Variants in MAGI2 observed in about 807,000 individuals in gnomAD.
MAGI2 encodes the protein membrane associated guanylate kinase, WW and PDZ domain containing 2, also known as membrane-associated guanylate kinase, WW and PDZ domain-containing protein 2.
A neutral mutation model predicts 133.3 loss-of-function variants in MAGI2; 35 were observed. The ratio of observed to expected loss-of-function variants is 0.26; its 90% CI spans 0.20 to 0.35. The LOEUF (loss-of-function observed/expected upper bound fraction) is 0.35. Among genes scored for constraint, MAGI2 ranks in the 10% least tolerant of loss-of-function variants. The probability of loss-of-function intolerance (pLI) is 1.00; values close to 1 mark genes in which losing one functional copy is unlikely to be tolerated. For missense variants in MAGI2, 1,636 were observed against 1,863.4 expected (o/e 0.88, Z 2.25); for synonymous variants, 729 against 710.6 (o/e 1.03, Z -0.41).
intron 2 of MAGI2, among the ~76,000 whole-genome samples, chr7:78,921,528 A>G (rs1799221061): frequency 6.6e-6 from 1 of 152,150 alleles, no homozygotes; most frequent in Non-Finnish European, 1.5e-5. Flanking sequence ...ACAATGCTTC[A>G]ATCAATAAAA....
At chr7:78,120,776 C>T (rs56014624) in intron 20 of MAGI2, among the ~76,000 whole-genome samples, 15 of 151,350 alleles carry the variant, frequency 9.9e-5, no homozygotes, top group African/African-American at 3.2e-4. Flanking sequence ...CCGAGGCGGG[C>T]GGATCACGAG....
chr7:79,374,391 A>G (rs996968459), intron 1 of MAGI2, among the ~76,000 whole-genome samples: 10 of 151,764 alleles, frequency 6.6e-5, no homozygotes, highest in South Asian at 4.1e-4. Context: ...GGCCATGTAC[A>G]AGTCAAGGAA....
In MAGI2 at chr7:78,109,303, C is replaced by CAAAAAAAAAAAA. The variant is rs71085511; in HGVS notation, c.3567+16379_3567+16390dup. ...TGGGCGACAGAGCAAGACTCCGTCT[C>CAAAAAAAAAAAA]AAAAAAAAAAAAAAAAAAAAAAAAA... On this transcript the variant is annotated intron_variant, in intron 20 of 21. Coordinates refer to ENST00000354212, the MANE Select transcript of MAGI2 (RefSeq NM_012301.4). 2.2e-3 allele frequency among the ~76,000 whole-genome samples: 44 copies of CAAAAAAAAAAAA among 19,950 alleles called. 2 individuals are homozygous for CAAAAAAAAAAAA. The highest frequency in any genetic ancestry group is 4.0e-3 in the African/African-American group (20 of 5,000). The allele number at this position is 19,950 out of a possible 152,430, so 13.1% of individuals were successfully genotyped here. A position where few individuals can be genotyped will look rare whatever the true frequency, so the allele number is the denominator to read the frequency against.
intron 4 of MAGI2, among the ~76,000 whole-genome samples, chr7:78,507,547 G>A (rs1002668273): frequency 7.2e-5 from 11 of 152,264 alleles, no homozygotes; most frequent in African/African-American, 2.4e-4. Flanking sequence ...TACTCTCCTA[G>A]ACATTCAAGG....
intron 1 of MAGI2, among the ~76,000 whole-genome samples, chr7:79,209,927 C>A (rs907962324): frequency 6.6e-6 from 1 of 152,038 alleles, no homozygotes; most frequent in African/African-American, 2.4e-5. Context: ...TAACTGAACT[C>A]TATTTTATTT....
At chr7:79,241,378 C>T (rs1159170654) in intron 1 of MAGI2, among the ~76,000 whole-genome samples, 1 of 152,212 alleles carries the variant, frequency 6.6e-6, no homozygotes, top group Non-Finnish European at 1.5e-5. Flanking sequence ...TTTAGCAGGG[C>T]TGACACTGTC....
intron 1 of MAGI2, among the ~76,000 whole-genome samples, chr7:79,245,193 A>G (rs967879236): frequency 1.3e-5 from 2 of 152,136 alleles, no homozygotes; most frequent in East Asian, 1.9e-4. Flanking sequence ...ATGACCTGAC[A>G]TATTCCCAGC....
chr7:78,759,275 GCCTA>G (rs1430880476), intron 2 of MAGI2, among the ~76,000 whole-genome samples: 3 of 151,784 alleles, frequency 2.0e-5, no homozygotes, highest in Non-Finnish European at 4.4e-5. Context: ...TGAACATCTG[GCCTA>G]CCTAAAATTA....
chr7:79,250,363 A>G (rs1398676274), intron 1 of MAGI2, among the ~76,000 whole-genome samples: 1 of 150,896 alleles, frequency 6.6e-6, no homozygotes, highest in Non-Finnish European at 1.5e-5. Context: ...AAAAAAAAAA[A>G]GAAAACAAAC....
intron 6 of MAGI2, among the ~76,000 whole-genome samples, chr7:78,471,990 A>T (rs988290645): frequency 2.0e-5 from 3 of 151,872 alleles, no homozygotes; most frequent in Non-Finnish European, 4.4e-5. Flanking sequence ...AAGTTCACAC[A>T]GCCAGTAAAT....
At chr7:78,188,887 C>T (rs745993377) in intron 12 of MAGI2, among the ~76,000 whole-genome samples, 1 of 152,154 alleles carries the variant, frequency 6.6e-6, no homozygotes, top group African/African-American at 2.4e-5. Context: ...AAGGCTTGAG[C>T]TGAAAGATTT....
intron 2 of MAGI2, among the ~76,000 whole-genome samples, chr7:78,778,694 C>T (rs1162901378): frequency 6.6e-6 from 1 of 152,092 alleles, no homozygotes; most frequent in African/African-American, 2.4e-5. Context: ...TGGACAGACA[C>T]CTTAGTTTTG....
rs58390844 is a variant in MAGI2 at position 79,383,318 on chromosome 7, T to G, written c.301+69702A>C. On this transcript the variant is annotated intron_variant, in intron 1 of 21. Coordinates refer to ENST00000354212, the MANE Select transcript of MAGI2 (RefSeq NM_012301.4). ...AAATCAATAATGATAGATTGTTTCC[T>G]TATTTATTGAACCTAGAATTGTTAG... is the stretch of plus-strand genomic sequence containing the variant. Among the ~76,000 whole-genome samples the G allele has an allele frequency of 1.8e-3, 272 of 151,788 alleles. 2 individuals are homozygous for G. Among genetic ancestry groups the G allele is most frequent in the African/African-American group, 6.2e-3 (258 of 41,496 alleles).
intron 2 of MAGI2, among the ~76,000 whole-genome samples, chr7:78,918,370 AAGC>A (rs1175426691): frequency 1.3e-5 from 2 of 152,290 alleles, no homozygotes; most frequent in East Asian, 3.9e-4. Flanking sequence ...GGATGAATCT[AAGC>A]TTTTAGTCTT....
At chr7:79,290,922 G>A (rs1193399391) in intron 1 of MAGI2, among the ~76,000 whole-genome samples, 3 of 151,928 alleles carry the variant, frequency 2.0e-5, no homozygotes, top group South Asian at 2.1e-4. Flanking sequence ...TACTAATCGC[G>A]GGGATTTAAA....
At chr7:78,614,575 T>C (rs558435184) in intron 3 of MAGI2, 1 of 152,314 alleles carries the variant, frequency 6.6e-6, no homozygotes, top group South Asian at 2.1e-4. Context: ...AATCACTTTT[T>C]AAATGTATAT....
intron 2 of MAGI2, among the ~76,000 whole-genome samples, chr7:78,713,992 C>T (rs1183190981): frequency 1.5e-5 from 2 of 137,186 alleles, no homozygotes; most frequent in Non-Finnish European, 3.2e-5. Flanking sequence ...TCTGTTACTG[C>T]CACATTCTTT....
chr7:78,766,757 A>G (rs1216769416), intron 2 of MAGI2, among the ~76,000 whole-genome samples: 1 of 152,160 alleles, frequency 6.6e-6, no homozygotes, highest in Non-Finnish European at 1.5e-5. Flanking sequence ...GTGCCTAGGG[A>G]GAATGAGTAA....
chr7:78,291,179 C>T (rs185216647), intron 9 of MAGI2, among the ~76,000 whole-genome samples: 103 of 151,840 alleles, frequency 6.8e-4, no homozygotes, highest in African/African-American at 1.9e-3. Context: ...ACTGATAGAC[C>T]GCTAGCAAGA....
Sources: allele counts gnomAD v4.1 joint callset (sites outside exome capture counted in the v4.1 genomes callset), GRCh38; gene constraint gnomAD v4.1.1; transcripts MANE v1.5; gene names NCBI Gene and HGNC (gene_info 2026-07-23, HGNC 2026-07-21).